Variants in GPR15LG observed in about 807,000 individuals in gnomAD.
GPR15LG encodes the protein G protein-coupled receptor 15 ligand.
chr10:84,180,161 G>A, the GPR15LG span, among the ~76,000 whole-genome samples: 3 of 152,216 alleles, frequency 2.0e-5, no homozygotes, highest in Non-Finnish European at 2.9e-5. Context: ...ACCCTTAGTG[G>A]ACACAGCACA....
chr10:84,181,777 C>T, the GPR15LG span, among the ~76,000 whole-genome samples: 4 of 152,196 alleles, frequency 2.6e-5, no homozygotes, highest in African/African-American at 9.6e-5. Flanking sequence ...TGGCTCTTTA[C>T]GGGTGTCAAG....
At chr10:84,177,836 C>T in the GPR15LG span, among the ~76,000 whole-genome samples, 58 of 152,270 alleles carry the variant, frequency 3.8e-4, no homozygotes, top group South Asian at 2.7e-3. Context: ...GAGGTGGAGG[C>T]GAGCCCCAAG....
the GPR15LG span, among the ~76,000 whole-genome samples, chr10:84,180,937 C>T: frequency 1.3e-5 from 2 of 152,206 alleles, no homozygotes; most frequent in Admixed American, 6.5e-5. Flanking sequence ...AATACGAAAA[C>T]CAGTCAGGTG....
chr10:84,174,131 A>G, the GPR15LG span, among the ~76,000 whole-genome samples: 1 of 152,134 alleles, frequency 6.6e-6, no homozygotes, highest in Non-Finnish European at 1.5e-5. Context: ...CAGCCCCTGC[A>G]CCCCCAAATA....
At chr10:84,184,893 G>A in the GPR15LG span, 1 of 1,503,064 alleles carries the variant, frequency 6.7e-7, no homozygotes, top group African/African-American at 1.4e-5. Context: ...CTTCATCTCG[G>A]GCTGCAAGGA....
chr10:84,176,600 G>A, the GPR15LG span: 4 of 1,541,844 alleles, frequency 2.6e-6, no homozygotes, highest in South Asian at 2.2e-5. Context: ...CAGACTGTGG[G>A]GCAGAAGTTC....
chr10:84,174,764 A>G, the GPR15LG span, among the ~76,000 whole-genome samples: 1 of 152,192 alleles, frequency 6.6e-6, no homozygotes, highest in Admixed American at 6.5e-5. Context: ...TGCTGGGATT[A>G]CAGGCGTGAG....
the GPR15LG span, among the ~76,000 whole-genome samples, chr10:84,181,181 A>G: frequency 1.5e-5 from 2 of 137,040 alleles, no homozygotes; most frequent in African/African-American, 3.1e-5. Context: ...GAGACCGTGC[A>G]AAGAGGAGGG....
the GPR15LG span, chr10:84,174,046 A>T: frequency 3.9e-5 from 29 of 744,690 alleles, no homozygotes; most frequent in Admixed American, 1.2e-4. Flanking sequence ...GAGCCCCGGA[A>T]AGATGGGCTC....
At chr10:84,174,716 T>C in the GPR15LG span, among the ~76,000 whole-genome samples, 1 of 152,102 alleles carries the variant, frequency 6.6e-6, no homozygotes, top group Non-Finnish European at 1.5e-5. Flanking sequence ...GGTCTTGAAC[T>C]CCTAACCTCG....
At chr10:84,179,304 C>T in the GPR15LG span, among the ~76,000 whole-genome samples, 14 of 152,328 alleles carry the variant, frequency 9.2e-5, no homozygotes, top group African/African-American at 3.4e-4. Context: ...CCACATGGTG[C>T]CCCGTAAACA....
chr10:84,174,017 G>C, the GPR15LG span: 1 of 939,898 alleles, frequency 1.1e-6, no homozygotes, highest in Admixed American at 1.7e-5. Flanking sequence ...TTGGCGGGCA[G>C]GCCTTGGCAG....
chr10:84,176,327 A>G, the GPR15LG span, among the ~76,000 whole-genome samples: 32 of 151,598 alleles, frequency 2.1e-4, no homozygotes, highest in Admixed American at 2.0e-3. Context: ...GTAAATCACA[A>G]CAAGGCCCAC....
chr10:84,183,537 C>A, the GPR15LG span, among the ~76,000 whole-genome samples: 1 of 152,024 alleles, frequency 6.6e-6, no homozygotes, highest in East Asian at 1.9e-4. Context: ...AAACTTAAGT[C>A]GGAATCATTT....
chr10:84,173,813 C>T, the GPR15LG span: 1 of 1,474,448 alleles, frequency 6.8e-7, no homozygotes, highest in Non-Finnish European at 9.5e-7. Context: ...TTCTGCAGCA[C>T]AGCTCCCTTC....
At chr10:84,179,895 T>C in the GPR15LG span, among the ~76,000 whole-genome samples, 4 of 143,814 alleles carry the variant, frequency 2.8e-5, no homozygotes, top group Non-Finnish European at 6.1e-5. Context: ...TTTTTTTTAG[T>C]ATTTATTGAT....
the GPR15LG span, chr10:84,185,196 C>A: frequency 2.0e-6 from 1 of 501,880 alleles, no homozygotes; most frequent in Non-Finnish European, 2.6e-6. Context: ...ATCCAGTGGT[C>A]CCCAAGGAAT....
the GPR15LG span, among the ~76,000 whole-genome samples, chr10:84,182,903 T>A: frequency 1.3e-5 from 2 of 152,036 alleles, no homozygotes; most frequent in South Asian, 4.1e-4. Context: ...AAATCATGTG[T>A]CTCCACCAGA....
the GPR15LG span, among the ~76,000 whole-genome samples, chr10:84,182,578 A>G: frequency 6.6e-6 from 1 of 152,220 alleles, no homozygotes; most frequent in Non-Finnish European, 1.5e-5. Flanking sequence ...AGGCGAGCCC[A>G]GACTGTTCAC....
Sources: allele counts gnomAD v4.1 joint callset (sites outside exome capture counted in the v4.1 genomes callset), GRCh38; gene constraint gnomAD v4.1.1; transcripts MANE v1.5; gene names NCBI Gene and HGNC (gene_info 2026-07-23, HGNC 2026-07-21).